Variants in MGAM observed in about 807,000 individuals in gnomAD.
MGAM encodes the protein alpha-1,4-glucosidase.
Under a neutral mutation model 358.8 loss-of-function variants are expected in MGAM, and 253 were observed. That is an observed-to-expected ratio of 0.71 (90% CI 0.64 to 0.78). The LOEUF is 0.78. Among genes scored for constraint, MGAM ranks in the 30% least tolerant of loss-of-function variants. The pLI, the probability that MGAM is intolerant of heterozygous loss-of-function variation, is 0.00. For synonymous variants in MGAM, 1,105 were observed against 1,227.1 expected (o/e 0.90, Z 2.08); for missense variants, 3,080 against 3,432.6 (o/e 0.90, Z 2.57).
At position 142,079,017 on chromosome 7, in the gene MGAM, G is replaced by A. The variant is rs115915216; in HGVS notation, c.5847+9G>A. On this transcript the variant is annotated intron_variant, in intron 49 of 70. Coordinates refer to ENST00000475668, the MANE Select transcript of MGAM (RefSeq NM_001365693.1). ...AAATGCTACAGTTCAAGGTAAACAC[G>A]GTACATATATCAGGCAGTGATAAGA... 8.2e-3 allele frequency: 12,710 copies of A among 1,541,158 alleles called. 1,829 individuals carry two copies. The South Asian group carries it at 0.086, about 10-fold the overall frequency.
At position 142,020,954 on chromosome 7, in the gene MGAM, T is replaced by A. The variant is rs568598146; in HGVS notation, c.449-20T>A. On this transcript the variant is annotated intron_variant, in intron 4 of 70. Transcript: ENST00000475668. ...ATTTGCAGAGTCAACTATGAAAACC[T>A]TTTTTTTCTCCTATGTTAGGATTCA... is the stretch of plus-strand genomic sequence containing the variant. 4 of 1,532,666 alleles carry A rather than the reference T, an allele frequency of 2.6e-6. No individual in the cohort carries two copies. The highest frequency in any genetic ancestry group is 1.1e-5 in the South Asian group (1 of 87,834). 94.9% of individuals were successfully genotyped at this position (1,532,666 alleles called of 1,614,324 possible).
rs753809099 is a variant in MGAM at position 142,059,451 on chromosome 7, G to T, written c.3820-21G>T. ...GGGCGTGTACAGCAGCAGCCTCTCA[G>T]CTCCCCATGTCCTCCCGCAGGATGT... On this transcript the variant is annotated intron_variant, in intron 31 of 70. Coordinates refer to ENST00000475668, the MANE Select transcript of MGAM (RefSeq NM_001365693.1). 1.5e-5 allele frequency: 24 copies of T among 1,601,596 alleles called. No individual in the cohort carries two copies. The East Asian group carries it at 4.9e-4, about 33-fold the overall frequency.
At chr7:142,059,695 T>A in intron 32 of MGAM, 95 bp downstream of exon 32, 1 of 1,584,746 alleles carries the variant, frequency 6.3e-7, no homozygotes, top group South Asian at 1.2e-5. Context: ...TGCAAGTAGA[T>A]AAATTGAAGT....
chr7:142,022,655 T>C (rs868995133), intron 7 of MGAM, among the ~76,000 whole-genome samples: 1 of 152,124 alleles, frequency 6.6e-6, no homozygotes, highest in African/African-American at 2.4e-5. Flanking sequence ...AATATCTCAA[T>C]AGGGTTGTGG....
chr7:142,012,862 G>A (rs1200707455), intron 3 of MGAM, among the ~76,000 whole-genome samples: 1 of 152,068 alleles, frequency 6.6e-6, no homozygotes, highest in Non-Finnish European at 1.5e-5. Flanking sequence ...ATGTAGTCAC[G>A]GAGTCTCTCT....
rs1486549605 is a variant in MGAM, at chr7:142,071,160, C to G, written c.5186+42C>G. 5.3e-6 allele frequency: 8 copies of G among 1,521,004 alleles called. 2 individuals are homozygous for G. The highest frequency in any genetic ancestry group is 7.2e-6 in the Non-Finnish European group (8 of 1,110,228). The allele number at this position is 1,521,004 out of a possible 1,614,324, so 94.2% of individuals were successfully genotyped here. On this transcript the variant is annotated intron_variant, in intron 44 of 70. Transcript: ENST00000475668. ...AGGTTTTCCTTTACATTTCAGTTAG[C>G]TCAACAATTTGTGATGAAGTCTACC...
Position 142,056,024 on chromosome 7 carries a change from CA to C in MGAM, c.3509del (p.His1170ProfsTer19). 6.2e-7 allele frequency: 1 copy of C among 1,611,722 alleles called. No homozygotes were observed. The highest frequency in any genetic ancestry group is 8.5e-7 in the Non-Finnish European group (1 of 1,179,056). ...PGYKKNSYGV[H>X]PYYMGLEEDG... ...GTACAAGAAGAATTCCTATGGTGTCCACCCCTACTACATGGGGCTGGAGGAG... is the reference window on the plus strand; with the variant it reads ...GTACAAGAAGAATTCCTATGGTGTCCCCCCTACTACATGGGGCTGGAGGAG... On this transcript the variant is annotated frameshift_variant, in exon 29 of 71. Transcript: ENST00000475668. LOFTEE classifies it high-confidence loss of function.
At chr7:142,022,230 C>T (rs1554459136) in intron 6 of MGAM, 38 bp from the exon 7 acceptor site, 1 of 1,560,514 alleles carries the variant, frequency 6.4e-7, no homozygotes, top group East Asian at 2.3e-5. Context: ...CTCCACCCTG[C>T]TTGCTCACCC....
intron 16 of MGAM, 137 bp downstream of exon 16, chr7:142,034,978 C>G: frequency 2.4e-6 from 2 of 820,864 alleles, no homozygotes; most frequent in Non-Finnish European, 3.7e-6. Context: ...TGTGCTTCAT[C>G]CACATCAGCA....
In MGAM at chr7:142,056,007, A is replaced by G. The variant is rs1811487591; in HGVS notation, c.3491A>G (p.Lys1164Arg). The G allele has an allele frequency of 6.2e-7, 1 of 1,610,838 alleles. No individual in the cohort carries two copies. Among genetic ancestry groups the G allele is most frequent in the Non-Finnish European group, 8.5e-7 (1 of 1,178,632 alleles). Residue 1164 changes from lysine to arginine, a missense_variant, in exon 29 of 71, where the codon AAG becomes AGG. Around this residue, in one of 5 missense-constraint regions of MGAM, gnomAD observed 1,816 missense variants for 1,840.5 expected, o/e 0.99. Coordinates refer to ENST00000475668, the MANE Select transcript of MGAM (RefSeq NM_001365693.1). Reference protein sequence around the residue: ...FSRDQPPGYKKNSYGVHPYYM... With the variant: ...FSRDQPPGYKRNSYGVHPYYM... ...CTTCCCATGACTCCCCAGTACAAGA[A>G]GAATTCCTATGGTGTCCACCCCTAC...
chr7:142,064,254 C>G, intron 36 of MGAM, 130 bp from the exon 37 acceptor site: 3 of 1,373,062 alleles, frequency 2.2e-6, no homozygotes, highest in Non-Finnish European at 3.0e-6. Context: ...GCTCATGTCT[C>G]TGGGGAGATG....
chr7:142,018,876 G>C (rs1439935105), intron 3 of MGAM, among the ~76,000 whole-genome samples: 1 of 151,792 alleles, frequency 6.6e-6, no homozygotes, highest in Non-Finnish European at 1.5e-5. Context: ...AGCTCCATTT[G>C]TAATTTTGGA....
rs543355247 is a variant in MGAM, at chr7:142,011,540, T to G, written c.327+2835T>G. Among the ~76,000 whole-genome samples, 7 of 152,274 alleles carry G rather than the reference T, an allele frequency of 4.6e-5. No individual in the cohort carries two copies. The South Asian group carries it at 1.2e-3, about 27-fold the overall frequency. On this transcript the variant is annotated intron_variant, in intron 3 of 70. Transcript: ENST00000475668. ...TAGCCATTGGTCAAGTGAAAGGATG[T>G]AAGGGGAGCCAGGTTATTGAGTTAC...
chr7:142,011,346 G>A (rs1805575416), intron 3 of MGAM, among the ~76,000 whole-genome samples: 1 of 152,114 alleles, frequency 6.6e-6, no homozygotes, highest in African/African-American at 2.4e-5. Context: ...AGCAGCAAGG[G>A]TATTGCATTT....
At chr7:142,046,508 A>G (rs964368257) in intron 21 of MGAM, among the ~76,000 whole-genome samples, 1 of 152,052 alleles carries the variant, frequency 6.6e-6, no homozygotes, top group Admixed American at 6.6e-5. Context: ...TGTGGGAATC[A>G]GAGGTTCACA....
intron 31 of MGAM, 93 bp from the exon 32 acceptor site, chr7:142,059,379 C>G (rs1413116061): frequency 1.3e-6 from 2 of 1,525,482 alleles, no homozygotes; most frequent in Non-Finnish European, 1.8e-6. Context: ...AAGAAGCTGT[C>G]TGGAATTCCA....
At chr7:142,011,099 T>C (rs1527307) in intron 3 of MGAM, among the ~76,000 whole-genome samples, 105,349 of 152,132 alleles carry the variant, frequency 0.69, 37,181 homozygotes, top group East Asian at 0.99. Context: ...CCTAAGTAAA[T>C]GTTGCAGAGT....
rs1480162093 is a variant in MGAM at position 142,093,811 on chromosome 7, ACAT to A, written c.7172+265_7172+267del. Among the ~76,000 whole-genome samples, 3 of 146,356 alleles carry A rather than the reference ACAT, an allele frequency of 2.0e-5. 1 individual carries two copies. Among genetic ancestry groups the A allele is most frequent in the East Asian group, 2.0e-4 (1 of 4,956 alleles). On this transcript the variant is annotated intron_variant, in intron 60 of 70. Transcript: ENST00000475668. ...CCTAGTGGGAAAGACTCACATGGAG[ACAT>A]CATAATGATCACAGAGGGCAGCCGG...
chr7:142,021,233 A>T (rs1027609460), intron 5 of MGAM, 150 bp downstream of exon 5: 2 of 621,256 alleles, frequency 3.2e-6, no homozygotes, highest in Non-Finnish European at 5.5e-6. Context: ...TTAAAGACAT[A>T]TACAGAATAG....
Sources: gnomAD v4.1 joint callset for allele counts (sites outside exome capture counted in the v4.1 genomes callset) on GRCh38, gnomAD v4.1.1 for gene constraint, gnomAD v4.1.1 regional missense constraint, MANE v1.5 for transcripts, NCBI Gene and HGNC (gene_info 2026-07-23, HGNC 2026-07-21) for gene names.